Variants in COL8A1 observed in about 807,000 individuals in gnomAD.
COL8A1 encodes collagen type VIII alpha 1 chain.
Under a neutral mutation model 42.7 loss-of-function variants are expected in COL8A1, and 21 were observed. That is an observed-to-expected ratio of 0.49 (90% CI 0.35 to 0.71). The LOEUF (loss-of-function observed/expected upper bound fraction) is 0.71, where lower values mean the gene tolerates loss of function less well. Among genes scored for constraint, COL8A1 ranks in the 30% least tolerant of loss-of-function variants. The pLI, the probability that COL8A1 is intolerant of heterozygous loss-of-function variation, is 0.01. For missense variants in COL8A1, 788 were observed against 962.4 expected (o/e 0.82, Z 2.40); for synonymous variants, 367 against 369.1 (o/e 0.99, Z 0.06).
Position 99,753,700 on chromosome 3 carries a change from C to G in COL8A1, c.-4+8679C>G, listed in dbSNP as rs545351976. Among the ~76,000 whole-genome samples, 6 of 152,264 alleles carry G rather than the reference C, an allele frequency of 3.9e-5. No homozygotes were observed. The East Asian group carries it at 1.2e-3, about 29-fold the overall frequency. ...AAATGAGATCCCTTAAGGATAAAGTCTAATGTGCTCCGGTCTTATCTACAT... is the reference window on the plus strand; with the variant it reads ...AAATGAGATCCCTTAAGGATAAAGTGTAATGTGCTCCGGTCTTATCTACAT... On this transcript the variant is annotated intron_variant, in intron 2 of 3. Transcript: ENST00000652472.
chr3:99,722,029 T>G (rs1940171388), intron 1 of COL8A1, among the ~76,000 whole-genome samples: 1 of 152,170 alleles, frequency 6.6e-6, no homozygotes, highest in South Asian at 2.1e-4. Flanking sequence ...AACATGTTGC[T>G]GCTGTGGACT....
At chr3:99,645,255 A>T in intron 1 of COL8A1, among the ~76,000 whole-genome samples, 1 of 152,192 alleles carries the variant, frequency 6.6e-6, no homozygotes, top group East Asian at 1.9e-4. Context: ...CATGGTGTTC[A>T]TCAATGCTAT....
At chr3:99,773,817 A>ATATATATATATATATATATATATAT (rs1553682070) in intron 2 of COL8A1, among the ~76,000 whole-genome samples, 41 of 49,692 alleles carry the variant, frequency 8.3e-4, no homozygotes, top group African/African-American at 1.2e-3. Flanking sequence ...ATATGTGTGT[A>ATATATATATATATATATATATATAT]TATATATATA....
chr3:99,675,005 A>T (rs1273984127), intron 1 of COL8A1, among the ~76,000 whole-genome samples: 1 of 152,074 alleles, frequency 6.6e-6, no homozygotes, highest in African/African-American at 2.4e-5. Flanking sequence ...TGACCTCTGC[A>T]GTTCCTTCCA....
At chr3:99,649,907 A>G (rs1032808184) in intron 1 of COL8A1, among the ~76,000 whole-genome samples, 13 of 152,220 alleles carry the variant, frequency 8.5e-5, no homozygotes, top group Admixed American at 7.2e-4. Flanking sequence ...TTGGTGCTCC[A>G]TATACCAGGT....
chr3:99,664,944 C>G (rs1412036737), intron 1 of COL8A1, among the ~76,000 whole-genome samples: 1 of 152,192 alleles, frequency 6.6e-6, no homozygotes. Flanking sequence ...AACTTAGCTT[C>G]CAACGTCCTT....
At chr3:99,728,816 CT>C (rs1940414203) in intron 1 of COL8A1, among the ~76,000 whole-genome samples, 1 of 151,974 alleles carries the variant, frequency 6.6e-6, no homozygotes, top group South Asian at 2.1e-4. Flanking sequence ...TTACTTCACT[CT>C]TTTTGGTTCA....
chr3:99,645,691 CT>C (rs927140242), intron 1 of COL8A1, among the ~76,000 whole-genome samples: 9 of 139,054 alleles, frequency 6.5e-5, no homozygotes, highest in African/African-American at 1.9e-4. Flanking sequence ...TGTTAGTTTT[CT>C]TTTTAAAAAA....
intron 2 of COL8A1, among the ~76,000 whole-genome samples, chr3:99,784,335 T>G (rs1436558168): frequency 6.6e-6 from 1 of 152,188 alleles, no homozygotes; most frequent in Non-Finnish European, 1.5e-5. Flanking sequence ...AACTGTAATG[T>G]CAAAAAAGAC....
intron 1 of COL8A1, among the ~76,000 whole-genome samples, chr3:99,681,583 G>A (rs1221570807): frequency 6.6e-6 from 1 of 152,164 alleles, no homozygotes; most frequent in Non-Finnish European, 1.5e-5. Context: ...AAGTCATCAA[G>A]AATATGAAAG....
At chr3:99,705,077 A>T (rs1305032373) in intron 1 of COL8A1, among the ~76,000 whole-genome samples, 1 of 152,162 alleles carries the variant, frequency 6.6e-6, no homozygotes, top group East Asian at 1.9e-4. Context: ...TCAGAAATAG[A>T]TGACAACTTT....
At chr3:99,764,701 CTTTTTTT>C (rs10648559) in intron 2 of COL8A1, among the ~76,000 whole-genome samples, 3 of 125,056 alleles carry the variant, frequency 2.4e-5, no homozygotes, top group East Asian at 2.2e-4. Flanking sequence ...TCTTTTTTTT[CTTTTTTT>C]TTTTTTTTTG....
At chr3:99,719,423 C>T (rs1457245712) in intron 1 of COL8A1, among the ~76,000 whole-genome samples, 1 of 152,092 alleles carries the variant, frequency 6.6e-6, no homozygotes, top group East Asian at 1.9e-4. Flanking sequence ...CTCCTCACAA[C>T]AGCCTTAAAA....
At chr3:99,750,218 G>T (rs895825761) in intron 2 of COL8A1, among the ~76,000 whole-genome samples, 2 of 151,508 alleles carry the variant, frequency 1.3e-5, no homozygotes, top group South Asian at 4.2e-4. Context: ...CACCACACCT[G>T]GCTAATTTTT....
intron 1 of COL8A1, among the ~76,000 whole-genome samples, chr3:99,684,528 T>A (rs1938990071): frequency 1.3e-5 from 2 of 152,228 alleles, no homozygotes; most frequent in Admixed American, 1.3e-4. Flanking sequence ...CAATTGTTAA[T>A]CTTTATTAAG....
intron 2 of COL8A1, among the ~76,000 whole-genome samples, chr3:99,778,398 T>C (rs1456194996): frequency 6.6e-6 from 1 of 152,186 alleles, no homozygotes; most frequent in African/African-American, 2.4e-5. Context: ...TCAGAGCTTT[T>C]TCCTTGCAAT....
At chr3:99,743,049 A>C (rs1352294052) in intron 1 of COL8A1, among the ~76,000 whole-genome samples, 1 of 152,236 alleles carries the variant, frequency 6.6e-6, no homozygotes, top group East Asian at 1.9e-4. Context: ...TATTTATTGA[A>C]GAATGATATA....
chr3:99,725,654 G>C (rs1459008433), intron 1 of COL8A1, among the ~76,000 whole-genome samples: 2 of 144,606 alleles, frequency 1.4e-5, no homozygotes, highest in South Asian at 2.2e-4. Context: ...CTATAAGTGA[G>C]AACATGTGGT....
At chr3:99,776,585 C>T (rs1200552497) in intron 2 of COL8A1, among the ~76,000 whole-genome samples, 1 of 152,072 alleles carries the variant, frequency 6.6e-6, no homozygotes, top group South Asian at 2.1e-4. Context: ...GAAAATGTTA[C>T]CGGAAAGGGG....
Sources: allele counts gnomAD v4.1 joint callset (sites outside exome capture counted in the v4.1 genomes callset), GRCh38; gene constraint gnomAD v4.1.1; transcripts MANE v1.5; gene names NCBI Gene and HGNC (gene_info 2026-07-23, HGNC 2026-07-21).